The following STARD13 variants were observed in gnomAD, a reference collection of about 807,000 sequenced individuals.
STARD13 encodes the protein StAR related lipid transfer domain containing 13.
Under a neutral mutation model 106.4 loss-of-function variants are expected in STARD13, and 62 were observed. The observed-to-expected ratio is 0.58, with a 90% CI of 0.48 to 0.72. STARD13 has a LOEUF of 0.72. STARD13 is among the 30% of genes least tolerant of loss of function. The pLI is 0.00. For missense variants in STARD13, 1,387 were observed against 1,424.0 expected (o/e 0.97, Z 0.42); for synonymous variants, 565 against 553.0 (o/e 1.02, Z -0.31).
the STARD13 span, chr13:33,511,492 T>C: frequency 6.6e-6 from 1 of 152,140 alleles, no homozygotes; most frequent in African/African-American, 2.4e-5. Context: ...TAGAGGGTGA[T>C]TCCCCTGGAC....
In STARD13 at chr13:33,232,434, T is replaced by C. The variant is rs1016495608; in HGVS notation, c.169+53036A>G. Among the ~76,000 whole-genome samples, 33 of 152,266 alleles carry C rather than the reference T, an allele frequency of 2.2e-4. 1 individual carries two copies. The highest frequency in any genetic ancestry group is 8.0e-4 in the African/African-American group (33 of 41,468). On this transcript the variant is annotated intron_variant, in intron 1 of 13. Transcript: ENST00000336934. ...TTTTCAAATATTTTTATCTGGGATT[T>C]GTTGACTCACAAGTGGGGAAGAACC...
chr13:33,129,130 G>A lies in STARD13; in HGVS notation c.1547C>T (p.Thr516Ile). The A allele has an allele frequency of 6.2e-7, 1 of 1,614,186 alleles. No homozygotes were observed. The highest frequency in any genetic ancestry group is 8.5e-7 in the Non-Finnish European group (1 of 1,180,020). The change falls in exon 5 of 14, where the codon ACA becomes ATA. Residue 516 changes from threonine to isoleucine, a missense_variant. By Grantham distance (89) the Thr-to-Ile change is moderately conservative. Transcript: ENST00000336934. ...DVLPELQTHDTLVGEPGLSTF... is the reference protein window; with the variant it reads ...DVLPELQTHDILVGEPGLSTF... The stretch of plus-strand genomic sequence containing the variant: ...GGATAAGCCAGGTTCCCCAACCAAT[G>A]TATCATGAGTTTGCAGTTCAGGCAA...
intron 3 of STARD13, 43 bp downstream of exon 3, chr13:33,165,294 G>A: frequency 6.9e-7 from 1 of 1,439,838 alleles, no homozygotes; most frequent in Non-Finnish European, 9.8e-7. Flanking sequence ...GCCTGTTGCA[G>A]ACTGAACAGT....
At chr13:33,205,375 A>G (rs1887343422) in intron 1 of STARD13, among the ~76,000 whole-genome samples, 1 of 152,222 alleles carries the variant, frequency 6.6e-6, no homozygotes, top group South Asian at 2.1e-4. Context: ...CTATTTAAGT[A>G]ACGTAGCCCA....
the STARD13 span, among the ~76,000 whole-genome samples, chr13:33,676,196 C>T: frequency 6.6e-6 from 1 of 152,130 alleles, no homozygotes; most frequent in Admixed American, 6.5e-5. Flanking sequence ...GTTGTAGCGG[C>T]GGAGTTTAAT....
At chr13:33,361,438 CA>C in the STARD13 span, among the ~76,000 whole-genome samples, 1 of 152,146 alleles carries the variant, frequency 6.6e-6, no homozygotes, top group Non-Finnish European at 1.5e-5. Flanking sequence ...TCTGGGGAGT[CA>C]AAAGTCATAC....
At chr13:33,483,740 G>C in the STARD13 span, among the ~76,000 whole-genome samples, 60 of 152,134 alleles carry the variant, frequency 3.9e-4, 2 homozygotes, top group Admixed American at 1.2e-3. Flanking sequence ...AGATGGATTT[G>C]AGACTGATCT....
chr13:33,178,844 T>C (rs1002314823), intron 1 of STARD13, among the ~76,000 whole-genome samples: 2 of 152,160 alleles, frequency 1.3e-5, no homozygotes, highest in Admixed American at 6.5e-5. Context: ...CTAGACCAAA[T>C]AAAGAAAATC....
At chr13:33,536,160 G>A in the STARD13 span, among the ~76,000 whole-genome samples, 5 of 152,100 alleles carry the variant, frequency 3.3e-5, no homozygotes, top group African/African-American at 4.8e-5. Flanking sequence ...ACTCAAAGGT[G>A]GAAAATAAAA....
At chr13:33,140,762 C>CTTTTTTTTTTTTT (rs1190491022) in intron 4 of STARD13, among the ~76,000 whole-genome samples, 3 of 142,304 alleles carry the variant, frequency 2.1e-5, no homozygotes, top group African/African-American at 8.0e-5. Context: ...ACTTTCTTTT[C>CTTTTTTTTTTTTT]TTTCTTTTTT....
chr13:33,565,139 C>A, the STARD13 span, among the ~76,000 whole-genome samples: 2 of 146,786 alleles, frequency 1.4e-5, 1 homozygote, highest in African/African-American at 5.0e-5. Flanking sequence ...ATGACTATTG[C>A]AGGTTCTCAC....
At chr13:33,194,455 T>C (rs1886470899) in intron 1 of STARD13, among the ~76,000 whole-genome samples, 1 of 152,210 alleles carries the variant, frequency 6.6e-6, no homozygotes, top group Non-Finnish European at 1.5e-5. Flanking sequence ...TACATTATCT[T>C]GTAAATGTAC....
Position 33,210,519 on chromosome 13 carries a change from G to A in STARD13, c.170-42897C>T, listed in dbSNP as rs148327642. Among the ~76,000 whole-genome samples, 134 of 152,264 alleles carry A rather than the reference G, an allele frequency of 8.8e-4. 6 individuals are homozygous for A. The South Asian group carries it at 0.022, about 25-fold the overall frequency. ...TAGGGTTGTTGCACAGATTTAGTGCGTTAATGTACATAAAATGCTTGCCAC... is the reference window on the plus strand; with the variant it reads ...TAGGGTTGTTGCACAGATTTAGTGCATTAATGTACATAAAATGCTTGCCAC... On this transcript the variant is annotated intron_variant, in intron 1 of 13. Coordinates refer to ENST00000336934, the MANE Select transcript of STARD13 (RefSeq NM_178006.4).
At chr13:33,344,125 TA>T (rs145795508), downstream of STARD13, among the ~76,000 whole-genome samples, 3,876 of 152,244 alleles carry the variant, frequency 0.025, 148 homozygotes, top group African/African-American at 0.086. Flanking sequence ...GCAGGGCTTT[TA>T]AAAATATGGA....
rs974074026 is a variant in STARD13 at position 33,326,889 on chromosome 13, T to G, written c.124+23401A>C. On this transcript the variant is annotated intron_variant, in intron 1 of 5. Transcript: ENST00000567873. Reference sequence around the variant, plus strand: ...TTAAGCAGCAAAAACCATGCTGTTCTTCCATCTTGGACACTTCACGGTCAC... The same window carrying G: ...TTAAGCAGCAAAAACCATGCTGTTCGTCCATCTTGGACACTTCACGGTCAC... Among the ~76,000 whole-genome samples, 6 of 152,372 alleles carry G rather than the reference T, an allele frequency of 3.9e-5. No homozygotes were observed. The East Asian group carries it at 9.6e-4, about 24-fold the overall frequency.
At position 33,197,138 on chromosome 13, in the gene STARD13, C is replaced by T. The variant is rs367613373; in HGVS notation, c.170-29516G>A. ...CAGCCTTTTTCACACATGGCACACACGTTGTGTTTGTACTACATGCTGGGA... is the reference window on the plus strand; with the variant it reads ...CAGCCTTTTTCACACATGGCACACATGTTGTGTTTGTACTACATGCTGGGA... On this transcript the variant is annotated intron_variant, in intron 1 of 13. Transcript: ENST00000336934. Among the ~76,000 whole-genome samples the T allele has an allele frequency of 7.2e-5, 11 of 152,182 alleles. 1 individual carries two copies. Among genetic ancestry groups the T allele is most frequent in the Admixed American group, 5.9e-4 (9 of 15,290 alleles).
chr13:33,229,219 G>A (rs1174342047), intron 1 of STARD13, among the ~76,000 whole-genome samples: 1 of 152,172 alleles, frequency 6.6e-6, no homozygotes, highest in Non-Finnish European at 1.5e-5. Flanking sequence ...GTGATTTAAG[G>A]CAGATGGGCT....
downstream of STARD13, among the ~76,000 whole-genome samples, chr13:33,346,361 G>A (rs2078016838): frequency 6.6e-6 from 1 of 152,164 alleles, no homozygotes; most frequent in African/African-American, 2.4e-5. Flanking sequence ...GTTCGGTTTG[G>A]TTTGGCATTT....
chr13:33,518,626 G>C, the STARD13 span, among the ~76,000 whole-genome samples: 3 of 152,106 alleles, frequency 2.0e-5, no homozygotes, highest in Non-Finnish European at 4.4e-5. Flanking sequence ...GGTGACAGCT[G>C]TTTGGGGAGG....
Sources: allele counts gnomAD v4.1 joint callset (sites outside exome capture counted in the v4.1 genomes callset), GRCh38; gene constraint gnomAD v4.1.1; transcripts MANE v1.5; gene names NCBI Gene and HGNC (gene_info 2026-07-23, HGNC 2026-07-21).